The following GTF2IRD1 variants were observed in gnomAD, a reference collection of about 807,000 sequenced individuals.
The protein encoded by GTF2IRD1 is general transcription factor II-I repeat domain-containing protein 1.
GTF2IRD1 carries 26 observed loss-of-function variants against 113.2 expected under a neutral mutation model. That is an observed-to-expected ratio of 0.23 (90% CI 0.17 to 0.32). GTF2IRD1 has a LOEUF of 0.32. Ranked by LOEUF, GTF2IRD1 falls within the 10% of genes least tolerant of loss-of-function variation. GTF2IRD1 has a pLI of 1.00. For missense variants in GTF2IRD1, 864 were observed against 1,280.8 expected (o/e 0.67, Z 4.97); for synonymous variants, 484 against 529.1 (o/e 0.91, Z 1.17).
At chr7:74,481,572 A>G (rs1794743199) in intron 1 of GTF2IRD1, among the ~76,000 whole-genome samples, 1 of 152,184 alleles carries the variant, frequency 6.6e-6, no homozygotes, top group Non-Finnish European at 1.5e-5. Flanking sequence ...AAAGTCAGGC[A>G]TGGATCCCAC....
At position 74,547,225 on chromosome 7, in the gene GTF2IRD1, G is replaced by A. The variant is rs1454226137; in HGVS notation, c.1855G>A (p.Gly619Arg). Residue 619 changes from glycine (G) to arginine (R), a missense_variant, in exon 17 of 27, where the codon GGG (glycine) becomes AGG (arginine). Gly to Arg is a moderately radical substitution (Grantham distance 125). This residue lies in a region of GTF2IRD1 where 195 missense variants were observed against 359.1 expected (regional missense o/e 0.54). Coordinates refer to ENST00000424337, the MANE Select transcript of GTF2IRD1 (RefSeq NM_005685.4). ...GISLRRPNCF[G>R]IAKLRKILEA... ...CTCCCTCCGCAGGCCCAACTGCTTC[G>A]GGATCGCCAAGCTCCGGAAGATTCT... 9 of 1,613,396 alleles carry A rather than the reference G, an allele frequency of 5.6e-6. No homozygotes were observed. Among genetic ancestry groups the A allele is most frequent in the Non-Finnish European group, 7.6e-6 (9 of 1,179,876 alleles).
rs1554358179 is a variant in GTF2IRD1, at chr7:74,558,937, C to T, written c.2184C>T (p.Ile728=). 3.7e-6 allele frequency: 6 copies of T among 1,614,116 alleles called. No homozygotes were observed. The highest frequency in any genetic ancestry group is 2.2e-5 in the East Asian group (1 of 44,866). The part of the protein sequence containing the change: ...RIKSNPGSVI[I]EGLPPGIPFR... Reference sequence around the variant, plus strand: ...AGAGTAACCCCGGCTCCGTGATCATCGAGGGGCTGCCCCCAGGAATCCCGT... The same window carrying T: ...AGAGTAACCCCGGCTCCGTGATCATTGAGGGGCTGCCCCCAGGAATCCCGT... Residue 728 remains isoleucine (I), a synonymous_variant, in exon 21 of 27, where the codon ATC becomes ATT. Coordinates refer to ENST00000424337, the MANE Select transcript of GTF2IRD1 (RefSeq NM_005685.4).
rs1798168144 is a variant in GTF2IRD1 at position 74,534,536 on chromosome 7, A to C, written c.1275-577A>C. 1.3e-5 allele frequency among the ~76,000 whole-genome samples: 2 copies of C among 152,046 alleles called. 1 individual carries two copies. The highest frequency in any genetic ancestry group is 4.1e-4 in the South Asian group (2 of 4,822). On this transcript the variant is annotated intron_variant, in intron 9 of 26. Transcript: ENST00000424337. ...AGAATCCCTTGAACCCGGGAGGCGG[A>C]GGTTCATGGGGAACCCAGCAGGAAA...
At chr7:74,460,730 G>A (rs1191074555) in intron 1 of GTF2IRD1, among the ~76,000 whole-genome samples, 1 of 152,112 alleles carries the variant, frequency 6.6e-6, no homozygotes, top group Non-Finnish European at 1.5e-5. Context: ...GAGGGGGTGG[G>A]AAATTGCTGG....
chr7:74,570,606 A>G (rs1165715087), intron 22 of GTF2IRD1, among the ~76,000 whole-genome samples: 1 of 152,180 alleles, frequency 6.6e-6, no homozygotes, highest in East Asian at 1.9e-4. Context: ...GTAAGCTGTG[A>G]TCACACCACT....
intron 17 of GTF2IRD1, among the ~76,000 whole-genome samples, chr7:74,551,452 T>G (rs2130718951): frequency 6.6e-6 from 1 of 152,274 alleles, no homozygotes; most frequent in Admixed American, 6.5e-5. Context: ...CAGCAGTAAA[T>G]GCCACCAAGT....
At chr7:74,557,488 G>T (rs1350604654) in intron 19 of GTF2IRD1, 151 bp from the exon 20 acceptor site, 2 of 594,504 alleles carry the variant, frequency 3.4e-6, no homozygotes, top group Admixed American at 3.0e-5. Flanking sequence ...CCATCAACAT[G>T]TCGGTGCTGA....
intron 1 of GTF2IRD1, among the ~76,000 whole-genome samples, chr7:74,483,538 T>G (rs1052967269): frequency 2.6e-4 from 40 of 151,910 alleles, no homozygotes; most frequent in African/African-American, 9.2e-4. Flanking sequence ...AGAACAAGAC[T>G]GTCTCTACAA....
At chr7:74,500,271 C>T (rs1282111658) in intron 1 of GTF2IRD1, among the ~76,000 whole-genome samples, 2 of 152,114 alleles carry the variant, frequency 1.3e-5, no homozygotes. Flanking sequence ...AGAACCACCT[C>T]ATGGTGCTTT....
chr7:74,512,267 G>A lies in GTF2IRD1; in HGVS notation c.124-563G>A, dbSNP rs1231758824. ...CTCGGGAGGCTGAGGCAGGAGAATC[G>A]CTTGAACCTGGGAGGCAGAGGTTGC... On this transcript the variant is annotated intron_variant, in intron 2 of 26. Transcript: ENST00000424337. The surrounding 1 kb of genome is among the most constrained non-coding windows in gnomAD (Gnocchi z 4.4). 6.6e-6 allele frequency among the ~76,000 whole-genome samples: 1 copy of A among 152,164 alleles called. No homozygotes were observed. Among genetic ancestry groups the A allele is most frequent in the Non-Finnish European group, 1.5e-5 (1 of 68,024 alleles).
chr7:74,499,627 G>T (rs1013154426), intron 1 of GTF2IRD1, among the ~76,000 whole-genome samples: 15 of 150,630 alleles, frequency 1.0e-4, no homozygotes, highest in Non-Finnish European at 2.2e-4. Context: ...TGTACACAAA[G>T]GAATGCATGC....
At chr7:74,514,321 A>C (rs1367254932) in intron 3 of GTF2IRD1, among the ~76,000 whole-genome samples, 1 of 151,978 alleles carries the variant, frequency 6.6e-6, no homozygotes, top group Non-Finnish European at 1.5e-5. Flanking sequence ...CACCCCCCTC[A>C]GCCCTCAGAG....
At chr7:74,560,581 T>G (rs1346557784) in intron 22 of GTF2IRD1, among the ~76,000 whole-genome samples, 38 of 147,524 alleles carry the variant, frequency 2.6e-4, no homozygotes, top group East Asian at 1.4e-3. Flanking sequence ...AAATATTATA[T>G]AGAGAGAGAG....
At chr7:74,508,786 C>G (rs1177061734) in intron 2 of GTF2IRD1, among the ~76,000 whole-genome samples, 1 of 152,064 alleles carries the variant, frequency 6.6e-6, no homozygotes. Context: ...CCCACTTTGT[C>G]CCTGGGATGA....
At chr7:74,532,408 G>A (rs1031787977) in intron 9 of GTF2IRD1, among the ~76,000 whole-genome samples, 40 of 152,102 alleles carry the variant, frequency 2.6e-4, no homozygotes, top group African/African-American at 9.7e-4. Flanking sequence ...AAAATAAATA[G>A]CCAGGCCTGG....
chr7:74,594,518 A>G (rs1464162246), intron 24 of GTF2IRD1, among the ~76,000 whole-genome samples: 1 of 152,226 alleles, frequency 6.6e-6, no homozygotes, highest in Non-Finnish European at 1.5e-5. Context: ...TTGCCAGCAC[A>G]GGCCCATCAT....
Position 74,470,112 on chromosome 7 carries a change from C to T in GTF2IRD1, c.-7+15936C>T, listed in dbSNP as rs146416256. On this transcript the variant is annotated intron_variant, in intron 1 of 26. Transcript: ENST00000424337. ...TCCCAGGCTCCAGCTATTCTCCTGC[C>T]TCAGCCTCCCGAGTAGCTGGGACTA... Among the ~76,000 whole-genome samples, 1,026 of 152,154 alleles carry T rather than the reference C, an allele frequency of 6.7e-3. 9 individuals are homozygous for T. The highest frequency in any genetic ancestry group is 9.1e-3 in the Non-Finnish European group (616 of 68,006).
chr7:74,518,340 CCCGGGGCTGGGCTGGGGCTGGGCCAGGG>C lies in GTF2IRD1; in HGVS notation c.605+24_605+51del. 1 of 1,563,562 alleles carries C rather than the reference CCCGGGGCTGGGCTGGGGCTGGGCCAGGG, an allele frequency of 6.4e-7. No individual in the cohort carries two copies. Among genetic ancestry groups the C allele is most frequent in the Non-Finnish European group, 8.7e-7 (1 of 1,146,546 alleles). Reference sequence around the variant, plus strand: ...CTCAAGAGGTGAGTGAGGTAGCCGGCCCGGGGCTGGGCTGGGGCTGGGCCAGGGCCGGGTCAGGGCCGGGGGCTGGAGG... The same window carrying C: ...CTCAAGAGGTGAGTGAGGTAGCCGGCCCGGGTCAGGGCCGGGGGCTGGAGG... On this transcript the variant is annotated intron_variant, in intron 5 of 26. Transcript: ENST00000424337.
At position 74,555,258 on chromosome 7, in the gene GTF2IRD1, C is replaced by T. The variant is rs369360017; in HGVS notation, c.1966+35C>T. The T allele has an allele frequency of 7.3e-4, 1,168 of 1,600,422 alleles. 2 individuals are homozygous for T. Among genetic ancestry groups the T allele is most frequent in the Middle Eastern group, 1.2e-3 (7 of 5,618 alleles). ...GCGGGGTCGGGAGCCATGGTGTGGGCGGGCAAGGGAGGGCCCCAGGCCTCT... is the reference window on the plus strand; with the variant it reads ...GCGGGGTCGGGAGCCATGGTGTGGGTGGGCAAGGGAGGGCCCCAGGCCTCT... On this transcript the variant is annotated intron_variant, in intron 18 of 26. Transcript: ENST00000424337. This position sits in a 1 kb window ranked among gnomAD's most constrained non-coding sequence, Gnocchi z 5.3.
Sources: gnomAD v4.1 joint callset for allele counts (sites outside exome capture counted in the v4.1 genomes callset) on GRCh38, gnomAD v4.1.1 for gene constraint, gnomAD v4.1.1 regional missense constraint, Gnocchi (gnomAD v3.1) non-coding constraint, MANE v1.5 for transcripts, NCBI Gene and HGNC (gene_info 2026-07-23, HGNC 2026-07-21) for gene names.